Variants in ITPRIP observed in about 807,000 individuals in gnomAD.
ITPRIP encodes the protein inositol 1,4,5-trisphosphate receptor interacting protein.
ITPRIP carries 32 observed loss-of-function variants against 35.8 expected under a neutral mutation model. That is an observed-to-expected ratio of 0.89 (90% confidence interval 0.68 to 1.20). The LOEUF (loss-of-function observed/expected upper bound fraction) is 1.20. Ranked by LOEUF, ITPRIP falls within the 50% of genes most tolerant of loss-of-function variation. The probability of loss-of-function intolerance (pLI) is 0.00; values close to 1 mark genes in which losing one functional copy is unlikely to be tolerated. For missense variants in ITPRIP, 653 were observed against 735.6 expected (o/e 0.89, Z 1.30); for synonymous variants, 358 against 324.0 (o/e 1.11, Z -1.13).
In ITPRIP at chr10:104,315,493, C is replaced by A; in HGVS notation, c.559G>T (p.Val187Leu). 1.2e-6 allele frequency: 2 copies of A among 1,614,176 alleles called. No homozygotes were observed. Among genetic ancestry groups the A allele is most frequent in the Non-Finnish European group, 1.7e-6 (2 of 1,179,990 alleles). ...CTGTCCACGCCAATGAAGTCCTCCACCTCCATGTCGGTGTCCCGGTTGCAG... is the reference window on the plus strand; with the variant it reads ...CTGTCCACGCCAATGAAGTCCTCCAACTCCATGTCGGTGTCCCGGTTGCAG... The part of the protein sequence containing the change: ...SLCNRDTDME[V>L]EDFIGVDSMY... The change falls in exon 2 of 2, where the codon GTG becomes TTG. Residue 187 changes from valine to leucine, a missense_variant. Transcript: ENST00000337478. The surrounding 1 kb of genome is among the most constrained non-coding windows in gnomAD (Gnocchi z 5.7).
chr10:104,329,949 A>C (rs1020951734), intron 1 of ITPRIP, among the ~76,000 whole-genome samples: 2 of 152,200 alleles, frequency 1.3e-5, no homozygotes, highest in Admixed American at 1.3e-4. Flanking sequence ...ACATCCCTGC[A>C]GCTCCTCCAG....
rs575970375 is a variant in ITPRIP at position 104,313,993 on chromosome 10, C to T, written c.*415G>A. On this transcript the variant is annotated 3_prime_UTR_variant, in exon 2 of 2. Transcript: ENST00000337478. Reference sequence around the variant, plus strand: ...GGAATAGGGGTGCTGGGTCTTAACACGGTTCCCTGTCAGCATTCTTGTAGA... The same window carrying T: ...GGAATAGGGGTGCTGGGTCTTAACATGGTTCCCTGTCAGCATTCTTGTAGA... The T allele has an allele frequency of 1.7e-4, 166 of 1,004,540 alleles. No individual in the cohort carries two copies. In the South Asian group the frequency reaches 3.5e-3, roughly 21 times the overall value. 62.2% of individuals were successfully genotyped at this position (1,004,540 alleles called of 1,614,324 possible).
chr10:104,314,145 T>C lies in ITPRIP; in HGVS notation c.*263A>G, dbSNP rs561935974. 5.6e-4 allele frequency: 698 copies of C among 1,251,972 alleles called. 1 individual carries two copies. The highest frequency in any genetic ancestry group is 6.7e-4 in the Non-Finnish European group (670 of 995,446). The allele number at this position is 1,251,972 out of a possible 1,614,324, so 77.6% of individuals were successfully genotyped here. A position where few individuals can be genotyped will look rare whatever the true frequency, so the allele number is the denominator to read the frequency against. On this transcript the variant is annotated 3_prime_UTR_variant, in exon 2 of 2. Coordinates refer to ENST00000337478, the MANE Select transcript of ITPRIP (RefSeq NM_001272013.2). ...CTGCCACCATCTTGGCCATTCATGG[T>C]GATCCAGAAGTAAACTGCAAGGGAT...
intron 1 of ITPRIP, among the ~76,000 whole-genome samples, chr10:104,329,995 C>T (rs1022531520): frequency 5.3e-5 from 8 of 152,176 alleles, no homozygotes; most frequent in Non-Finnish European, 1.0e-4. Flanking sequence ...TCTCCTCCAC[C>T]TCCTTGTCTT....
Position 104,313,274 on chromosome 10 carries a change from C to A in ITPRIP, c.*1134G>T. 2 of 985,792 alleles carry A rather than the reference C, an allele frequency of 2.0e-6. No individual in the cohort carries two copies. Among genetic ancestry groups the A allele is most frequent in the Non-Finnish European group, 2.4e-6 (2 of 830,202 alleles). The allele number at this position is 985,792 out of a possible 1,614,324, so 61.1% of individuals were successfully genotyped here. A position where few individuals can be genotyped will look rare whatever the true frequency, so the allele number is the denominator to read the frequency against. On this transcript the variant is annotated 3_prime_UTR_variant, in exon 2 of 2. Coordinates refer to ENST00000337478, the MANE Select transcript of ITPRIP (RefSeq NM_001272013.2). The stretch of plus-strand genomic sequence containing the variant: ...TCTCTGCAACTTTCTCTGAACTGGG[C>A]CAGACTGCAAGCCAGACACCACCAC...
intron 1 of ITPRIP, 83 bp from the exon 2 acceptor site, chr10:104,316,147 C>G: frequency 2.1e-5 from 25 of 1,213,206 alleles, no homozygotes; most frequent in Non-Finnish European, 2.6e-5. Context: ...CTCAGCCCCT[C>G]AGGGCTGGTT....
chr10:104,327,419 C>T (rs535521310), intron 1 of ITPRIP, among the ~76,000 whole-genome samples: 2 of 152,230 alleles, frequency 1.3e-5, no homozygotes, highest in South Asian at 2.1e-4. Context: ...CTGCCTGGCC[C>T]GGCCACTTCA....
At chr10:104,337,938 G>A (rs1311161850) in intron 1 of ITPRIP, among the ~76,000 whole-genome samples, 1 of 152,196 alleles carries the variant, frequency 6.6e-6, no homozygotes, top group African/African-American at 2.4e-5. Context: ...TCTGGGCTCC[G>A]AGGCTGCGCG....
rs187659153 is a variant in ITPRIP, at chr10:104,332,059, C to T, written c.-14+6187G>A. Among the ~76,000 whole-genome samples the T allele has an allele frequency of 4.6e-3, 704 of 152,266 alleles. 4 individuals are homozygous for T. The highest frequency in any genetic ancestry group is 7.1e-3 in the Non-Finnish European group (483 of 68,020). ...CCCTGGGAGAGAGCAAATCTAAATT[C>T]GAATCTCTTCTCTGTTGTTGTCCGT... On this transcript the variant is annotated intron_variant, in intron 1 of 1. Transcript: ENST00000337478.
chr10:104,331,889 G>A (rs1009386169), intron 1 of ITPRIP, among the ~76,000 whole-genome samples: 1 of 152,206 alleles, frequency 6.6e-6, no homozygotes, highest in Non-Finnish European at 1.5e-5. Flanking sequence ...GAAGGGACCA[G>A]AAGTCTCAGG....
intron 1 of ITPRIP, among the ~76,000 whole-genome samples, chr10:104,317,090 T>C (rs1001672017): frequency 2.0e-5 from 3 of 152,230 alleles, no homozygotes; most frequent in Admixed American, 6.5e-5. Context: ...ATCCTCCTCT[T>C]CTGTAAACGT....
rs2014085324 is a variant in ITPRIP, at chr10:104,328,759, ACT to A, written c.-14+9485_-14+9486del. On this transcript the variant is annotated intron_variant, in intron 1 of 1. Coordinates refer to ENST00000337478, the MANE Select transcript of ITPRIP (RefSeq NM_001272013.2). The surrounding 1 kb of genome is among the most constrained non-coding windows in gnomAD (Gnocchi z 4.1). Reference sequence around the variant, plus strand: ...CAAAGAGAGCCCAGCTTAGAAAGACACTCTGCCTCTAGGAGATGGGGGAGGAT... The same window carrying A: ...CAAAGAGAGCCCAGCTTAGAAAGACACTGCCTCTAGGAGATGGGGGAGGAT... 6.6e-6 allele frequency: 1 copy of A among 151,374 alleles called. No homozygotes were observed. Among genetic ancestry groups the A allele is most frequent in the Admixed American group, 6.6e-5 (1 of 15,184 alleles). 9.4% of individuals were successfully genotyped at this position (151,374 alleles called of 1,614,324 possible). A position where few individuals can be genotyped will look rare whatever the true frequency, so the allele number is the denominator to read the frequency against.
rs2013565621 is a variant in ITPRIP, at chr10:104,314,285, C to T, written c.*123G>A. The T allele has an allele frequency of 2.7e-5, 41 of 1,505,896 alleles. No homozygotes were observed. The highest frequency in any genetic ancestry group is 3.6e-5 in the Non-Finnish European group (41 of 1,130,888). The allele number at this position is 1,505,896 out of a possible 1,614,324, so 93.3% of individuals were successfully genotyped here. A position where few individuals can be genotyped will look rare whatever the true frequency, so the allele number is the denominator to read the frequency against. ...CTGTAGGGCTTGGCTTCCTGGCAGG[C>T]TGAGCACGGCTCCCACGAAAGCCCG... is the stretch of plus-strand genomic sequence containing the variant. On this transcript the variant is annotated 3_prime_UTR_variant, in exon 2 of 2. Transcript: ENST00000337478.
intron 1 of ITPRIP, among the ~76,000 whole-genome samples, chr10:104,334,487 G>A (rs1374135321): frequency 2.6e-5 from 4 of 152,322 alleles, no homozygotes; most frequent in East Asian, 1.9e-4. Flanking sequence ...AGTAGTTATC[G>A]AATTTACGCA....
At position 104,326,529 on chromosome 10, in the gene ITPRIP, GC is replaced by G. The variant is rs2014017968; in HGVS notation, c.-13-10466del. ...AGAGACTACAAGGAGTAAAACAGTA[GC>G]AGAGACAAGGAGGGGGCTCCCCTGC... is the stretch of plus-strand genomic sequence containing the variant. On this transcript the variant is annotated intron_variant, in intron 1 of 1. Transcript: ENST00000337478. The surrounding 1 kb of genome is among the most constrained non-coding windows in gnomAD (Gnocchi z 4.8). The G allele has an allele frequency of 6.6e-6, 1 of 152,314 alleles. No individual in the cohort carries two copies. The highest frequency in any genetic ancestry group is 2.4e-5 in the African/African-American group (1 of 41,440). 9.4% of individuals were successfully genotyped at this position (152,314 alleles called of 1,614,324 possible).
Position 104,313,453 on chromosome 10 carries a change from T to G in ITPRIP, c.*955A>C, listed in dbSNP as rs1362625664. 5 of 985,726 alleles carry G rather than the reference T, an allele frequency of 5.1e-6. No individual in the cohort carries two copies. The highest frequency in any genetic ancestry group is 6.0e-6 in the Non-Finnish European group (5 of 830,160). 61.1% of individuals were successfully genotyped at this position (985,726 alleles called of 1,614,324 possible). A position where few individuals can be genotyped will look rare whatever the true frequency, so the allele number is the denominator to read the frequency against. On this transcript the variant is annotated 3_prime_UTR_variant, in exon 2 of 2. Coordinates refer to ENST00000337478, the MANE Select transcript of ITPRIP (RefSeq NM_001272013.2). ...GCCTCAGGTGCCTTGTGGTTGCCAA[T>G]GAAGAAGTGATAGAGTTTCTTTTCC...
At chr10:104,321,111 C>T (rs1411011481) in intron 1 of ITPRIP, among the ~76,000 whole-genome samples, 1 of 152,178 alleles carries the variant, frequency 6.6e-6, no homozygotes, top group East Asian at 1.9e-4. Context: ...CATGCCTCCC[C>T]AAAGAGTCCC....
chr10:104,320,692 C>T (rs1267456295), intron 1 of ITPRIP, among the ~76,000 whole-genome samples: 1 of 152,050 alleles, frequency 6.6e-6, no homozygotes, highest in Non-Finnish European at 1.5e-5. Context: ...CATGCCCCAC[C>T]ATGCCCGGCT....
chr10:104,314,546 G>A lies in ITPRIP; in HGVS notation c.1506C>T (p.Leu502=), dbSNP rs961303179. Reference sequence around the variant, plus strand: ...TTCGCTGCAGGACGAAGGGCCGGAAGAGGTTGAGGGGCTCGGCCCTGAGCA... The same window carrying A: ...TTCGCTGCAGGACGAAGGGCCGGAAAAGGTTGAGGGGCTCGGCCCTGAGCA... ...EAVLRAEPLN[L]FRPFVLQRSL... The change falls in exon 2 of 2, where the codon CTC becomes CTT. Residue 502 remains leucine (L), a synonymous_variant. Coordinates refer to ENST00000337478, the MANE Select transcript of ITPRIP (RefSeq NM_001272013.2). 6.2e-6 allele frequency: 10 copies of A among 1,614,122 alleles called. No homozygotes were observed. In the Middle Eastern group the frequency reaches 4.9e-4, roughly 80 times the overall value.
Sources: gnomAD v4.1 joint callset for allele counts (sites outside exome capture counted in the v4.1 genomes callset) on GRCh38, gnomAD v4.1.1 for gene constraint, Gnocchi (gnomAD v3.1) non-coding constraint, MANE v1.5 for transcripts, NCBI Gene and HGNC (gene_info 2026-07-23, HGNC 2026-07-21) for gene names.